The following DNAJA4 variants were observed in gnomAD, a reference collection of about 807,000 sequenced individuals.
DNAJA4 encodes the protein dnaJ homolog subfamily A member 4.
A neutral mutation model predicts 39.7 loss-of-function variants in DNAJA4; 32 were observed. That is an observed-to-expected ratio of 0.81 (90% confidence interval 0.61 to 1.08). The LOEUF is 1.08. Among genes scored for constraint, DNAJA4 ranks in the 50% least tolerant of loss-of-function variants. The pLI is 0.00. For missense variants in DNAJA4, 439 were observed against 505.1 expected, an observed-to-expected ratio of 0.87 and a Z score of 1.25; for synonymous variants, 184 against 182.4, an observed-to-expected ratio of 1.01 and a Z score of -0.07.
chr15:78,281,459 A>G lies in DNAJA4; in HGVS notation c.*999A>G, dbSNP rs1405306953. The G allele has an allele frequency of 1.5e-5, 2 of 133,094 alleles. No individual in the cohort carries two copies. The highest frequency in any genetic ancestry group is 8.4e-5 in the African/African-American group (2 of 23,716). 8.2% of individuals were successfully genotyped at this position (133,094 alleles called of 1,614,324 possible). The stretch of plus-strand genomic sequence containing the variant: ...TCCCTTCCAAAGGATCGTTCCTCTC[A>G]TTGCACAGCCATATTACAAAGGGTT... On this transcript the variant is annotated 3_prime_UTR_variant, in exon 7 of 7. Transcript: ENST00000394852.
chr15:78,266,117 C>A, intron 1 of DNAJA4: 1 of 911,364 alleles, frequency 1.1e-6, no homozygotes, highest in Non-Finnish European at 1.7e-6. Flanking sequence ...AAGGCACTGG[C>A]GTTTTACATG....
chr15:78,275,877 G>A, intron 5 of DNAJA4, 149 bp downstream of exon 5: 1 of 622,944 alleles, frequency 1.6e-6, no homozygotes, highest in Non-Finnish European at 2.8e-6. Flanking sequence ...AATGGGTAAT[G>A]ATCAAGCCAC....
In DNAJA4 at chr15:78,264,579, C is replaced by A. The variant is rs1192949149; in HGVS notation, c.-185C>A. The A allele has an allele frequency of 1.7e-6, 2 of 1,189,786 alleles. No individual in the cohort carries two copies. Among genetic ancestry groups the A allele is most frequent in the Non-Finnish European group, 2.1e-6 (2 of 961,802 alleles). 73.7% of individuals were successfully genotyped at this position (1,189,786 alleles called of 1,614,324 possible). On this transcript the variant is annotated 5_prime_UTR_variant, in exon 1 of 7. Transcript: ENST00000394852. ...GTGGCTCTAGTGCGGTGGAGCCAGG[C>A]GTGGAAGTCGGTCCGGCGCGGGGCG...
intron 2 of DNAJA4, among the ~76,000 whole-genome samples, chr15:78,271,897 C>T (rs2049308077): frequency 6.6e-6 from 1 of 151,922 alleles, no homozygotes; most frequent in South Asian, 2.1e-4. Flanking sequence ...AGTGAGAGGC[C>T]CCTAGATAAA....
At chr15:78,267,742 C>T (rs532160149) in intron 1 of DNAJA4, among the ~76,000 whole-genome samples, 1 of 152,336 alleles carries the variant, frequency 6.6e-6, no homozygotes. Context: ...GTGCTTCTTT[C>T]CAAGCTTTCC....
chr15:78,267,185 T>TGTGAGTGTGTGA (rs142469778), intron 1 of DNAJA4, among the ~76,000 whole-genome samples: 5 of 102,516 alleles, frequency 4.9e-5, no homozygotes, highest in Non-Finnish European at 8.2e-5. Flanking sequence ...TGTGTGAGTG[T>TGTGAGTGTGTGA]GTGTGTGAGT....
At chr15:78,266,041 A>G (rs2049113154) in intron 1 of DNAJA4, 2 of 594,674 alleles carry the variant, frequency 3.4e-6, no homozygotes, top group Non-Finnish European at 5.9e-6. Context: ...TTCCTGTAAG[A>G]CCATTTGTCT....
rs1222766660 is a variant in DNAJA4, at chr15:78,271,465, C to T, written c.313+788C>T. Among the ~76,000 whole-genome samples, 4 of 152,194 alleles carry T rather than the reference C, an allele frequency of 2.6e-5. No homozygotes were observed. The East Asian group carries it at 7.7e-4, about 29-fold the overall frequency. ...GGTACTCTTGCCATGTTCAGTATGG[C>T]CTCATTTCCCAGCCTGCTCAGGGGA... is the stretch of plus-strand genomic sequence containing the variant. On this transcript the variant is annotated intron_variant, in intron 2 of 6. Coordinates refer to ENST00000394852, the MANE Select transcript of DNAJA4 (RefSeq NM_001130182.2).
At chr15:78,266,813 T>C (rs2049135304) in intron 1 of DNAJA4, among the ~76,000 whole-genome samples, 1 of 152,068 alleles carries the variant, frequency 6.6e-6, no homozygotes. Flanking sequence ...ATGGGGTGAG[T>C]ATCTAGCTGT....
chr15:78,266,243 A>T (rs1156748849), intron 1 of DNAJA4: 1 of 1,497,318 alleles, frequency 6.7e-7, no homozygotes, highest in Non-Finnish European at 9.2e-7. Context: ...GGCTAAAGAC[A>T]TGTGGGAAAG....
chr15:78,276,016 G>T (rs534325737), intron 5 of DNAJA4, among the ~76,000 whole-genome samples: 1 of 152,230 alleles, frequency 6.6e-6, no homozygotes, highest in East Asian at 1.9e-4. Context: ...ATTTAAAACT[G>T]TCCCTAATAA....
At position 78,280,261 on chromosome 15, in the gene DNAJA4, A is replaced by G. The variant is rs759691137; in HGVS notation, c.995A>G (p.Lys332Arg). ...CCTTTACAGGTAATCTTTCCTGAAAAACACTGGCTTTCTCTGGAAAAGCTT... is the reference window on the plus strand; with the variant it reads ...CCTTTACAGGTAATCTTTCCTGAAAGACACTGGCTTTCTCTGGAAAAGCTT... ...IIQFLVIFPEKHWLSLEKLPQ... is the reference protein window; with the variant it reads ...IIQFLVIFPERHWLSLEKLPQ... The change falls in exon 7 of 7, where the codon AAA becomes AGA. Residue 332 changes from lysine (K) to arginine (R), a missense_variant. Coordinates refer to ENST00000394852, the MANE Select transcript of DNAJA4 (RefSeq NM_001130182.2). 9 of 1,613,990 alleles carry G rather than the reference A, an allele frequency of 5.6e-6. No homozygotes were observed. In the African/African-American group the frequency reaches 1.2e-4, roughly 22 times the overall value.
chr15:78,278,724 T>C (rs2141467898), intron 5 of DNAJA4, among the ~76,000 whole-genome samples: 1 of 152,024 alleles, frequency 6.6e-6, no homozygotes, highest in East Asian at 1.9e-4. Context: ...TGATCTTGGC[T>C]CACTGTACAC....
At chr15:78,272,371 C>A (rs968136935) in intron 2 of DNAJA4, among the ~76,000 whole-genome samples, 1 of 152,178 alleles carries the variant, frequency 6.6e-6, no homozygotes, top group Non-Finnish European at 1.5e-5. Flanking sequence ...CTTGGGTATT[C>A]TCTTGTCCAG....
intron 5 of DNAJA4, among the ~76,000 whole-genome samples, chr15:78,277,099 A>G (rs886943527): frequency 1.3e-5 from 2 of 152,368 alleles, no homozygotes; most frequent in Non-Finnish European, 2.9e-5. Flanking sequence ...TCCGAGGCCC[A>G]TCCATATATG....
At chr15:78,274,708 T>G in intron 4 of DNAJA4, 1 of 442,330 alleles carries the variant, frequency 2.3e-6, no homozygotes, top group South Asian at 2.2e-5. Flanking sequence ...TGGCCTTGGT[T>G]TGGGTTAGTT....
At chr15:78,267,216 G>C (rs865774566) in intron 1 of DNAJA4, among the ~76,000 whole-genome samples, 10 of 151,910 alleles carry the variant, frequency 6.6e-5, no homozygotes, top group African/African-American at 2.4e-4. Flanking sequence ...GTGTGTATGT[G>C]TGTGTAGTTC....
At chr15:78,274,629 T>C (rs2049396728) in intron 4 of DNAJA4, 1 of 595,598 alleles carries the variant, frequency 1.7e-6, no homozygotes. Flanking sequence ...GTGTTCTTGC[T>C]GAGGTTTACT....
chr15:78,274,414 T>G lies in DNAJA4; in HGVS notation c.636T>G (p.His212Gln), dbSNP rs540608016. Residue 212 changes from histidine to glutamine, a missense_variant, in exon 4 of 7, where the codon CAT (histidine) becomes CAG (glutamine). Physicochemically the swap from His to Gln is conservative, Grantham distance 24. Transcript: ENST00000394852. ...GTGAGAAGAAGATTATCGAGGTACA[T>G]GTTGAAAAAGGTGAGGCTGCGCAGA... ...VIREKKIIEVHVEKGMKDGQK... is the reference protein window; with the variant it reads ...VIREKKIIEVQVEKGMKDGQK... 1.9e-6 allele frequency: 3 copies of G among 1,613,854 alleles called. No individual in the cohort carries two copies. Among genetic ancestry groups the G allele is most frequent in the African/African-American group, 2.7e-5 (2 of 74,876 alleles).
Sources: allele counts gnomAD v4.1 joint callset (sites outside exome capture counted in the v4.1 genomes callset), GRCh38; gene constraint gnomAD v4.1.1; transcripts MANE v1.5; gene names NCBI Gene and HGNC (gene_info 2026-07-23, HGNC 2026-07-21).